Variants in FKBP9 observed in about 807,000 individuals in gnomAD.
The protein encoded by FKBP9 is FKBP prolyl isomerase 9.
FKBP9 carries 27 observed loss-of-function variants against 55.6 expected under a neutral mutation model. The observed-to-expected ratio is 0.49, with a 90% confidence interval of 0.36 to 0.67. The LOEUF (loss-of-function observed/expected upper bound fraction) is 0.67, where lower values mean the gene tolerates loss of function less well. FKBP9 is among the 30% of genes least tolerant of loss of function. FKBP9 has a pLI of 0.00. For missense variants in FKBP9, 539 were observed against 742.8 expected (o/e 0.73, Z 3.19); for synonymous variants, 267 against 296.5 (o/e 0.90, Z 1.02).
intron 9 of FKBP9, 134 bp from the exon 10 acceptor site, chr7:33,005,041 A>G (rs1198065152): frequency 1.4e-6 from 2 of 1,435,616 alleles, no homozygotes; most frequent in Non-Finnish European, 1.9e-6. Flanking sequence ...ATAGCTGCCA[A>G]AAAGATCTTG....
At chr7:32,993,400 T>G (rs1784722119) in intron 6 of FKBP9, among the ~76,000 whole-genome samples, 1 of 152,208 alleles carries the variant, frequency 6.6e-6, no homozygotes, top group African/African-American at 2.4e-5. Flanking sequence ...CAACCACCTT[T>G]CTTTCTGTCT....
At chr7:33,001,832 T>C (rs574839255) in intron 8 of FKBP9, 31 of 152,254 alleles carry the variant, frequency 2.0e-4, no homozygotes, top group African/African-American at 7.2e-4. Context: ...TGTATTGTAG[T>C]CTCTACAAGC....
At chr7:32,981,436 G>A (rs894008482) in intron 5 of FKBP9, among the ~76,000 whole-genome samples, 50 of 152,160 alleles carry the variant, frequency 3.3e-4, no homozygotes, top group Admixed American at 2.4e-3. Context: ...GCCTGCAATT[G>A]TAGAGATGGC....
intron 1 of FKBP9, 70 bp from the exon 2 acceptor site, chr7:32,974,547 A>C: frequency 3.6e-6 from 5 of 1,370,420 alleles, no homozygotes; most frequent in Non-Finnish European, 3.1e-6. Flanking sequence ...ACATTTTTAC[A>C]GGTTGGTTTT....
chr7:32,996,985 G>A (rs531985062), intron 7 of FKBP9, among the ~76,000 whole-genome samples: 11 of 150,924 alleles, frequency 7.3e-5, no homozygotes, highest in African/African-American at 2.2e-4. Flanking sequence ...TAGTAGAGAC[G>A]GGGTTTCACC....
chr7:32,975,105 G>A, intron 2 of FKBP9, 77 bp from the exon 3 acceptor site: 1 of 1,208,782 alleles, frequency 8.3e-7, no homozygotes, highest in Non-Finnish European at 1.2e-6. Context: ...CATTCACCTT[G>A]GGAGCATCCT....
intron 5 of FKBP9, among the ~76,000 whole-genome samples, chr7:32,981,509 T>G (rs540140306): frequency 6.6e-6 from 1 of 152,138 alleles, no homozygotes; most frequent in East Asian, 1.9e-4. Flanking sequence ...TCCTTTAGCT[T>G]CCAGTAGAGC....
At chr7:32,960,990 T>A (rs1583836556) in intron 1 of FKBP9, among the ~76,000 whole-genome samples, 1 of 152,352 alleles carries the variant, frequency 6.6e-6, no homozygotes, top group Non-Finnish European at 1.5e-5. Context: ...TTCAAATGAT[T>A]TGCCCAAGGA....
intron 9 of FKBP9, chr7:33,003,065 A>G (rs1784962753): frequency 1.9e-6 from 1 of 515,330 alleles, no homozygotes; most frequent in Non-Finnish European, 3.5e-6. Context: ...GGTGTAGGGC[A>G]TGATTCCAGG....
In FKBP9 at chr7:33,002,695, T is replaced by C; in HGVS notation, c.1392T>C (p.Ser464=). Reference sequence around the variant, plus strand: ...GGACAGATGGAGAAGTGCCCGGCAGTGCCGTATTAGTGTTTGACATTGAGC... The same window carrying C: ...GGACAGATGGAGAAGTGCCCGGCAGCGCCGTATTAGTGTTTGACATTGAGC... ...EAGVDGEVPG[S]AVLVFDIELL... The change falls in exon 9 of 10, where the codon AGT becomes AGC. Residue 464 remains serine (S), a synonymous_variant. Coordinates refer to ENST00000242209, the MANE Select transcript of FKBP9 (RefSeq NM_007270.5). The C allele has an allele frequency of 6.2e-7, 1 of 1,614,058 alleles. No individual in the cohort carries two copies. The highest frequency in any genetic ancestry group is 8.5e-7 in the Non-Finnish European group (1 of 1,179,994).
intron 6 of FKBP9, among the ~76,000 whole-genome samples, chr7:32,990,388 A>C (rs1353637313): frequency 1.3e-5 from 2 of 152,158 alleles, no homozygotes; most frequent in Non-Finnish European, 2.9e-5. Flanking sequence ...TCCAAAAGGA[A>C]CATATCCCTA....
At chr7:32,982,349 A>G (rs887295624) in intron 5 of FKBP9, among the ~76,000 whole-genome samples, 10 of 152,152 alleles carry the variant, frequency 6.6e-5, no homozygotes, top group South Asian at 4.1e-4. Context: ...AAATGCAAGT[A>G]TAAGCAAACA....
intron 1 of FKBP9, among the ~76,000 whole-genome samples, chr7:32,965,826 T>TATATATATATGTACAC (rs1554284317): frequency 3.0e-5 from 1 of 33,296 alleles, no homozygotes; most frequent in Admixed American, 4.8e-4. Flanking sequence ...TATATATATA[T>TATATATATATGTACAC]ATATATATAT....
At chr7:32,976,720 G>T (rs1784369680) in intron 4 of FKBP9, among the ~76,000 whole-genome samples, 2 of 152,142 alleles carry the variant, frequency 1.3e-5, no homozygotes, top group South Asian at 4.1e-4. Context: ...GCCTCACGTT[G>T]CTGAGGACCA....
At chr7:32,974,198 G>GC (rs771257146) in intron 1 of FKBP9, among the ~76,000 whole-genome samples, 3,292 of 99,572 alleles carry the variant, frequency 0.033, 75 homozygotes, top group African/African-American at 0.11. Context: ...TTTAGTAGAG[G>GC]CGGGGGGGCC....
intron 1 of FKBP9, among the ~76,000 whole-genome samples, chr7:32,968,240 C>T (rs1198723317): frequency 6.6e-6 from 1 of 152,170 alleles, no homozygotes; most frequent in Non-Finnish European, 1.5e-5. Context: ...GGTGTTTCAC[C>T]AGGTTGCCTA....
chr7:32,999,824 C>G (rs1784899828), intron 7 of FKBP9, among the ~76,000 whole-genome samples: 1 of 152,066 alleles, frequency 6.6e-6, no homozygotes, highest in African/African-American at 2.4e-5. Flanking sequence ...CTCACTGCAG[C>G]CTCCACCTCC....
chr7:32,975,483 A>G (rs1293739529), intron 3 of FKBP9, 112 bp downstream of exon 3: 7 of 838,394 alleles, frequency 8.3e-6, no homozygotes, highest in East Asian at 7.9e-5. Flanking sequence ...GACTCTTCTC[A>G]ACTGTAATCA....
intron 1 of FKBP9, among the ~76,000 whole-genome samples, chr7:32,969,904 G>A (rs1030439338): frequency 5.3e-5 from 8 of 152,044 alleles, no homozygotes; most frequent in African/African-American, 1.9e-4. Flanking sequence ...TCAGGAGGCC[G>A]AGGCAGAATT....
Sources: allele counts gnomAD v4.1 joint callset (sites outside exome capture counted in the v4.1 genomes callset), GRCh38; gene constraint gnomAD v4.1.1; transcripts MANE v1.5; gene names NCBI Gene and HGNC (gene_info 2026-07-23, HGNC 2026-07-21).